The following RAB28 variants were observed in gnomAD, a reference collection of about 807,000 sequenced individuals.
RAB28 encodes the protein ras-related protein Rab-28.
RAB28 carries 24 observed loss-of-function variants against 31.7 expected under a neutral mutation model. The ratio of observed to expected loss-of-function variants is 0.76; its 90% CI spans 0.55 to 1.06. The LOEUF is 1.06. Ranked by LOEUF, RAB28 falls within the 50% of genes least tolerant of loss-of-function variation. The probability of loss-of-function intolerance (pLI) is 0.00; values close to 1 mark genes in which losing one functional copy is unlikely to be tolerated. For synonymous variants in RAB28, 100 were observed against 90.4 expected (o/e 1.11, Z -0.60); for missense variants, 254 against 258.5 (o/e 0.98, Z 0.12).
intron 4 of RAB28, among the ~76,000 whole-genome samples, chr4:13,399,032 A>G (rs1711602629): frequency 6.6e-6 from 1 of 152,164 alleles, no homozygotes; most frequent in African/African-American, 2.4e-5. Context: ...CACATATTAA[A>G]TCATTTAATC....
intron 4 of RAB28, among the ~76,000 whole-genome samples, chr4:13,409,005 T>C (rs1048549579): frequency 6.6e-6 from 1 of 152,154 alleles, no homozygotes; most frequent in Non-Finnish European, 1.5e-5. Context: ...TTAATAGTAA[T>C]TCTAATTAAA....
At chr4:13,398,735 G>A (rs980908058) in intron 4 of RAB28, among the ~76,000 whole-genome samples, 6 of 148,120 alleles carry the variant, frequency 4.1e-5, no homozygotes, top group South Asian at 2.1e-4. Flanking sequence ...CCGAGATCGC[G>A]CCACTGCACT....
At chr4:13,452,812 C>G (rs1013936429) in intron 4 of RAB28, among the ~76,000 whole-genome samples, 4 of 152,000 alleles carry the variant, frequency 2.6e-5, no homozygotes, top group Admixed American at 6.6e-5. Context: ...CAGTTTAAAT[C>G]CAATGTTTAT....
At chr4:13,434,838 G>T (rs1264735669) in intron 4 of RAB28, among the ~76,000 whole-genome samples, 6 of 151,774 alleles carry the variant, frequency 4.0e-5, no homozygotes, top group African/African-American at 1.5e-4. Flanking sequence ...GGCATATATG[G>T]TGAAACCCTG....
At chr4:13,419,461 C>A (rs1240193427) in intron 4 of RAB28, among the ~76,000 whole-genome samples, 1 of 152,166 alleles carries the variant, frequency 6.6e-6, no homozygotes, top group Non-Finnish European at 1.5e-5. Context: ...TTCTCATCAT[C>A]GCATTAAGCT....
intron 4 of RAB28, among the ~76,000 whole-genome samples, chr4:13,452,826 T>C (rs1401529184): frequency 6.6e-6 from 1 of 152,090 alleles, no homozygotes; most frequent in Non-Finnish European, 1.5e-5. Context: ...TGTTTATTTG[T>C]TGATTTTCTG....
At chr4:13,387,004 AAT>A (rs1480795473) in intron 4 of RAB28, among the ~76,000 whole-genome samples, 1 of 152,120 alleles carries the variant, frequency 6.6e-6, no homozygotes, top group African/African-American at 2.4e-5. Flanking sequence ...CAGAAAATCA[AAT>A]ATGACATGTT....
At chr4:13,450,398 C>A (rs16888661) in intron 4 of RAB28, among the ~76,000 whole-genome samples, 16,256 of 151,778 alleles carry the variant, frequency 0.11, 1,879 homozygotes, top group African/African-American at 0.29. Flanking sequence ...ATCAGGGTGG[C>A]ATTCAATAGG....
chr4:13,448,537 A>C (rs1323918220), intron 4 of RAB28, among the ~76,000 whole-genome samples: 2 of 152,258 alleles, frequency 1.3e-5, no homozygotes, highest in Non-Finnish European at 2.9e-5. Context: ...GGCTATCCAA[A>C]AAAGTAACTA....
At position 13,381,539 on chromosome 4, in the gene RAB28, C is replaced by G; in HGVS notation, c.447G>C (p.Gln149His). 1 of 1,613,334 alleles carries G rather than the reference C, an allele frequency of 6.2e-7. No individual in the cohort carries two copies. The change falls in exon 5 of 7, where the codon CAG becomes CAC. Residue 149 changes from glutamine (Q) to histidine (H), a missense_variant. By Grantham distance (24) the Gln-to-His change is conservative. Coordinates refer to ENST00000330852, the MANE Select transcript of RAB28 (RefSeq NM_001017979.3). ...CAAAGTGGCTACTAAAACCATTTTC[C>G]TGGCAAAACCGTAAGTGTTTTTCAG... The part of the protein sequence containing the change: ...IKPEKHLRFC[Q>H]ENGFSSHFVS...
At chr4:13,453,903 A>G (rs1715148378) in intron 4 of RAB28, among the ~76,000 whole-genome samples, 1 of 152,188 alleles carries the variant, frequency 6.6e-6, no homozygotes, top group South Asian at 2.1e-4. Flanking sequence ...TATTAGTTCA[A>G]TAAATAAGTT....
intron 4 of RAB28, among the ~76,000 whole-genome samples, chr4:13,437,194 A>T (rs1714168268): frequency 6.6e-6 from 1 of 152,124 alleles, no homozygotes; most frequent in Non-Finnish European, 1.5e-5. Flanking sequence ...CTTACCTCTC[A>T]CCACATACAA....
chr4:13,431,675 A>G (rs919636217), intron 4 of RAB28, among the ~76,000 whole-genome samples: 3 of 152,094 alleles, frequency 2.0e-5, no homozygotes, highest in Non-Finnish European at 2.9e-5. Context: ...AACTACCCAC[A>G]ACCAAGGAGC....
chr4:13,430,194 G>T (rs1713737426), intron 4 of RAB28, among the ~76,000 whole-genome samples: 2 of 152,040 alleles, frequency 1.3e-5, no homozygotes, highest in African/African-American at 4.8e-5. Context: ...ACTCAAAATG[G>T]ATCAAAAGAG....
intron 5 of RAB28, among the ~76,000 whole-genome samples, chr4:13,377,039 C>A (rs1235136470): frequency 6.6e-6 from 1 of 152,102 alleles, no homozygotes; most frequent in Non-Finnish European, 1.5e-5. Context: ...CCACCTTTGG[C>A]CTATCTCAAA....
At chr4:13,470,399 G>C (rs1716067118) in intron 3 of RAB28, among the ~76,000 whole-genome samples, 1 of 152,064 alleles carries the variant, frequency 6.6e-6, no homozygotes, top group Non-Finnish European at 1.5e-5. Flanking sequence ...GGAGAGTCCA[G>C]TTTTGAGATG....
Position 13,368,490 on chromosome 4 carries a change from CTAGAAG to C in RAB28, c.*62_*67del, listed in dbSNP as rs1397156044. 6.5e-6 allele frequency: 10 copies of C among 1,528,582 alleles called. No homozygotes were observed. The highest frequency in any genetic ancestry group is 8.7e-6 in the Non-Finnish European group (10 of 1,144,524). The allele number at this position is 1,528,582 out of a possible 1,614,324, so 94.7% of individuals were successfully genotyped here. A position where few individuals can be genotyped will look rare whatever the true frequency, so the allele number is the denominator to read the frequency against. ...AGATGGTCACTGATAAAACAAGTTC[CTAGAAG>C]TCCTCGGGCCCACCCAGAGGTGAAG... On this transcript the variant is annotated 3_prime_UTR_variant, in exon 7 of 7. Transcript: ENST00000330852.
chr4:13,399,157 C>G (rs1711607080), intron 4 of RAB28, among the ~76,000 whole-genome samples: 1 of 152,196 alleles, frequency 6.6e-6, no homozygotes, highest in South Asian at 2.1e-4. Flanking sequence ...CCAAGGCAGT[C>G]TAGCTCCGGA....
At chr4:13,403,862 A>C (rs1379891897) in intron 4 of RAB28, among the ~76,000 whole-genome samples, 4 of 152,246 alleles carry the variant, frequency 2.6e-5, no homozygotes, top group African/African-American at 7.2e-5. Flanking sequence ...ACATAGTTAT[A>C]CATGTATAAT....
Sources: gnomAD v4.1 joint callset for allele counts (sites outside exome capture counted in the v4.1 genomes callset) on GRCh38, gnomAD v4.1.1 for gene constraint, MANE v1.5 for transcripts, NCBI Gene and HGNC (gene_info 2026-07-23, HGNC 2026-07-21) for gene names.